LIN9: variants seen among roughly 807,000 people sequenced by gnomAD.
LIN9 encodes the protein lin-9 DREAM MuvB core complex component.
LIN9 carries 18 observed loss-of-function variants against 78.0 expected under a neutral mutation model. The ratio of observed to expected loss-of-function variants is 0.23; its 90% CI spans 0.16 to 0.34. The LOEUF (loss-of-function observed/expected upper bound fraction) is 0.34, where lower values mean the gene tolerates loss of function less well. LIN9 is among the 10% of genes least tolerant of loss of function. LIN9 has a pLI of 1.00. For synonymous variants in LIN9, 192 were observed against 215.2 expected (o/e 0.89, Z 0.94); for missense variants, 451 against 644.1 (o/e 0.70, Z 3.25).
At chr1:226,291,381 C>A (rs1661782710) in intron 4 of LIN9, among the ~76,000 whole-genome samples, 1 of 151,878 alleles carries the variant, frequency 6.6e-6, no homozygotes, top group African/African-American at 2.4e-5. Context: ...GAAAAAATTA[C>A]AGAATGACAC....
At chr1:226,289,836 G>GAGGGGGGT (rs1553283377) in intron 4 of LIN9, among the ~76,000 whole-genome samples, 2 of 32,452 alleles carry the variant, frequency 6.2e-5, no homozygotes, top group Non-Finnish European at 2.1e-4. Context: ...TAGTCCTCCG[G>GAGGGGGGT]GGGGGGGGGT....
At chr1:226,248,782 G>C (rs1018977657) in intron 11 of LIN9, among the ~76,000 whole-genome samples, 16 of 152,080 alleles carry the variant, frequency 1.1e-4, no homozygotes, top group Admixed American at 2.6e-4. Context: ...ACTATTTATG[G>C]AGAAGGCATT....
At chr1:226,284,171 A>G (rs1436842482) in intron 6 of LIN9, among the ~76,000 whole-genome samples, 14 of 152,126 alleles carry the variant, frequency 9.2e-5, no homozygotes, top group Non-Finnish European at 1.9e-4. Context: ...CCTCTTCTTC[A>G]CCATGTACTT....
intron 7 of LIN9, among the ~76,000 whole-genome samples, chr1:226,275,693 G>GAAAAAAAAA (rs1272770989): frequency 7.8e-6 from 1 of 128,736 alleles, no homozygotes; most frequent in Non-Finnish European, 1.6e-5. Flanking sequence ...CTCCGTCTCA[G>GAAAAAAAAA]AAAAAAAAAA....
At chr1:226,309,078 A>G (rs1663112549) in intron 1 of LIN9, 31 bp downstream of exon 1, 2 of 1,304,420 alleles carry the variant, frequency 1.5e-6, no homozygotes, top group South Asian at 6.2e-5. Context: ...GCAGGCGGGA[A>G]AAGGGGGGGG....
chr1:226,263,429 A>G (rs1389563019), intron 10 of LIN9, among the ~76,000 whole-genome samples: 1 of 152,150 alleles, frequency 6.6e-6, no homozygotes, highest in Non-Finnish European at 1.5e-5. Flanking sequence ...CTATGAACCT[A>G]AAATTGGTCT....
At chr1:226,307,848 T>G (rs1576370570) in intron 1 of LIN9, among the ~76,000 whole-genome samples, 1 of 152,252 alleles carries the variant, frequency 6.6e-6, no homozygotes, top group Admixed American at 6.5e-5. Flanking sequence ...GGCTAGTAGC[T>G]TGGCTGCCCT....
intron 4 of LIN9, 26 bp from the exon 5 acceptor site, chr1:226,287,823 T>G (rs1177739831): frequency 4.0e-6 from 6 of 1,493,800 alleles, no homozygotes; most frequent in Non-Finnish European, 5.4e-6. Flanking sequence ...AAGAGATTAA[T>G]TTATGGCTCC....
At chr1:226,247,558 G>A (rs1658562946) in intron 11 of LIN9, among the ~76,000 whole-genome samples, 1 of 152,054 alleles carries the variant, frequency 6.6e-6, no homozygotes, top group Admixed American at 6.6e-5. Context: ...TAGCTTTTCT[G>A]GAACTTGCAG....
At chr1:226,274,149 C>T (rs1319792025) in intron 7 of LIN9, among the ~76,000 whole-genome samples, 1 of 152,158 alleles carries the variant, frequency 6.6e-6, no homozygotes, top group Non-Finnish European at 1.5e-5. Flanking sequence ...TTACTTTCTA[C>T]TAAATTAATA....
At position 226,276,003 on chromosome 1, in the gene LIN9, G is replaced by C. The variant is rs985614498; in HGVS notation, c.682+1772C>G. 3.3e-5 allele frequency among the ~76,000 whole-genome samples: 5 copies of C among 151,576 alleles called. No individual in the cohort carries two copies. The East Asian group carries it at 7.8e-4, about 24-fold the overall frequency. On this transcript the variant is annotated intron_variant, in intron 7 of 14. Coordinates refer to ENST00000681046, the MANE Select transcript of LIN9 (RefSeq NM_001366245.2). Reference sequence around the variant, plus strand: ...AGATCACACCACTGCACTCCAGCCTGGGCAACAGAGCAAGACTTTGTCTCA... The same window carrying C: ...AGATCACACCACTGCACTCCAGCCTCGGCAACAGAGCAAGACTTTGTCTCA...
intron 11 of LIN9, among the ~76,000 whole-genome samples, chr1:226,247,371 T>A (rs886637007): frequency 6.6e-6 from 1 of 152,056 alleles, no homozygotes; most frequent in Non-Finnish European, 1.5e-5. Context: ...TTAAATTGAG[T>A]TTTAGATACT....
At chr1:226,291,848 G>T (rs1179957805) in intron 4 of LIN9, among the ~76,000 whole-genome samples, 2 of 151,200 alleles carry the variant, frequency 1.3e-5, no homozygotes, top group African/African-American at 4.9e-5. Flanking sequence ...ACCAATTCAG[G>T]ATACCACACT....
chr1:226,286,564 T>C, intron 5 of LIN9, 106 bp from the exon 6 acceptor site: 1 of 776,126 alleles, frequency 1.3e-6, no homozygotes, highest in Non-Finnish European at 2.0e-6. Flanking sequence ...CATATATATA[T>C]ATAAACTGGC....
At chr1:226,238,052 C>T (rs1657847768) in intron 12 of LIN9, among the ~76,000 whole-genome samples, 1 of 151,926 alleles carries the variant, frequency 6.6e-6, no homozygotes, top group African/African-American at 2.4e-5. Context: ...TTAAACTCAA[C>T]TGAATCATTT....
chr1:226,286,821 G>C (rs753646802), intron 5 of LIN9, among the ~76,000 whole-genome samples: 19 of 152,160 alleles, frequency 1.2e-4, no homozygotes, highest in Non-Finnish European at 2.8e-4. Context: ...GTCCTCTTTG[G>C]AATTAAACCA....
chr1:226,277,396 C>T (rs1484168432), intron 7 of LIN9, among the ~76,000 whole-genome samples: 1 of 152,084 alleles, frequency 6.6e-6, no homozygotes, highest in Non-Finnish European at 1.5e-5. Context: ...GAAAGAGTAA[C>T]TTCTATAGTA....
At chr1:226,305,992 T>G (rs1662892051) in intron 1 of LIN9, among the ~76,000 whole-genome samples, 1 of 152,010 alleles carries the variant, frequency 6.6e-6, no homozygotes, top group Non-Finnish European at 1.5e-5. Flanking sequence ...AAGGTAAAAT[T>G]TACAGACTTA....
intron 3 of LIN9, among the ~76,000 whole-genome samples, chr1:226,296,620 C>T (rs1662164947): frequency 1.3e-5 from 2 of 152,152 alleles, no homozygotes; most frequent in Admixed American, 1.3e-4. Flanking sequence ...GACCTACATC[C>T]TTTTCAAAGC....
Sources: allele counts gnomAD v4.1 joint callset (sites outside exome capture counted in the v4.1 genomes callset), GRCh38; gene constraint gnomAD v4.1.1; transcripts MANE v1.5; gene names NCBI Gene and HGNC (gene_info 2026-07-23, HGNC 2026-07-21).